Variants in SULT6B1 observed in about 807,000 individuals in gnomAD.
SULT6B1 encodes sulfotransferase family 6B member 1.
In SULT6B1, 44 loss-of-function variants were observed where a neutral mutation model predicts 37.2. The ratio of observed to expected loss-of-function variants is 1.18; its 90% CI spans 0.93 to 1.52. The LOEUF (loss-of-function observed/expected upper bound fraction) is 1.52, where lower values mean the gene tolerates loss of function less well. Among genes scored for constraint, SULT6B1 ranks in the 40% most tolerant of loss-of-function variants. The probability of loss-of-function intolerance (pLI) is 0.00; values close to 1 mark genes in which losing one functional copy is unlikely to be tolerated. For synonymous variants in SULT6B1, 140 were observed against 126.0 expected, an observed-to-expected ratio of 1.11 and a Z score of -0.74; for missense variants, 450 against 361.0, an observed-to-expected ratio of 1.25 and a Z score of -2.00.
In SULT6B1 at chr2:37,174,163, C is replaced by G. The variant is rs115634487; in HGVS notation, c.624+969G>C. On this transcript the variant is annotated intron_variant, in intron 5 of 6. Coordinates refer to ENST00000535679, the MANE Select transcript of SULT6B1 (RefSeq NM_001367551.1). Reference sequence around the variant, plus strand: ...CAGTTACCTACTTGGCTCACTCCCCCACTTCCCTCAGATCTTTGCTCAAAT... The same window carrying G: ...CAGTTACCTACTTGGCTCACTCCCCGACTTCCCTCAGATCTTTGCTCAAAT... Among the ~76,000 whole-genome samples the G allele has an allele frequency of 7.4e-3, 1,129 of 152,074 alleles. 7 individuals are homozygous for G. Among genetic ancestry groups the G allele is most frequent in the African/African-American group, 0.025 (1,043 of 41,430 alleles).
rs1005174239 is a variant in SULT6B1 at position 37,178,397 on chromosome 2, G to A, written c.529+1061C>T. On this transcript the variant is annotated intron_variant, in intron 4 of 6. Coordinates refer to ENST00000535679, the MANE Select transcript of SULT6B1 (RefSeq NM_001367551.1). ...ATTACAGGCATGCAACACCACACCT[G>A]GCTAATTTTTGTGTTTTTAGCAGAG... Among the ~76,000 whole-genome samples, 5 of 152,048 alleles carry A rather than the reference G, an allele frequency of 3.3e-5. No homozygotes were observed. In the East Asian group the frequency reaches 9.6e-4, roughly 29 times the overall value.
intron 5 of SULT6B1, among the ~76,000 whole-genome samples, chr2:37,174,826 T>C (rs1198564202): frequency 6.6e-6 from 1 of 152,166 alleles, no homozygotes; most frequent in Non-Finnish European, 1.5e-5. Context: ...ACCAAGTGTA[T>C]GTTCAATTAA....
chr2:37,191,452 G>A (rs1054866413), upstream of SULT6B1, among the ~76,000 whole-genome samples: 1 of 152,090 alleles, frequency 6.6e-6, no homozygotes, highest in Non-Finnish European at 1.5e-5. Flanking sequence ...TAGGCTCCAC[G>A]GCTGGCCCAG....
chr2:37,190,674 TAAAGTACC>T (rs1676763404), upstream of SULT6B1, among the ~76,000 whole-genome samples: 1 of 152,224 alleles, frequency 6.6e-6, no homozygotes, highest in African/African-American at 2.4e-5. Flanking sequence ...ACTAGTGTTC[TAAAGTACC>T]ACCTTAAATT....
At chr2:37,178,408 G>C (rs1676477122) in intron 4 of SULT6B1, among the ~76,000 whole-genome samples, 1 of 151,956 alleles carries the variant, frequency 6.6e-6, no homozygotes, top group African/African-American at 2.4e-5. Flanking sequence ...GCTAATTTTT[G>C]TGTTTTTAGC....
chr2:37,174,035 G>C (rs1676361258), intron 5 of SULT6B1, among the ~76,000 whole-genome samples: 1 of 151,902 alleles, frequency 6.6e-6, no homozygotes, highest in Non-Finnish European at 1.5e-5. Context: ...GTTCAGCCCT[G>C]GTTTATTCCT....
intron 5 of SULT6B1, 30 bp from the exon 6 acceptor site, chr2:37,171,620 T>G (rs769367774): frequency 1.9e-6 from 3 of 1,604,876 alleles, no homozygotes; most frequent in Non-Finnish European, 2.6e-6. Context: ...AAGATAAATT[T>G]CTTCCTATGG....
intron 6 of SULT6B1, 65 bp downstream of exon 6, chr2:37,171,369 A>T (rs1317839959): frequency 6.5e-7 from 1 of 1,542,110 alleles, no homozygotes; most frequent in African/African-American, 1.4e-5. Flanking sequence ...AGTTATTTGG[A>T]TTACCTGTTG....
chr2:37,193,582 AAAGAAGAAGAAGAAAAAGAAGAAG>A (rs1676826246), upstream of SULT6B1, among the ~76,000 whole-genome samples: 3 of 125,338 alleles, frequency 2.4e-5, no homozygotes, highest in African/African-American at 8.8e-5. Flanking sequence ...AAAAGAAGAA[AAAGAAGAAGAAGAAAAAGAAGAAG>A]AAGAAGAAGA....
At chr2:37,174,996 C>T (rs11569754) in intron 5 of SULT6B1, 136 bp downstream of exon 5, 12,138 of 454,954 alleles carry the variant, frequency 0.027, 233 homozygotes, top group Middle Eastern at 0.045. Context: ...TTTTCTTTTC[C>T]AGCACTGTAC....
intron 6 of SULT6B1, among the ~76,000 whole-genome samples, chr2:37,170,892 T>C (rs2148284260): frequency 6.6e-6 from 1 of 152,214 alleles, no homozygotes; most frequent in East Asian, 1.9e-4. Context: ...CTATCTTGTT[T>C]TCAGAAGGTG....
chr2:37,189,259 A>C (rs1002267452), upstream of SULT6B1, among the ~76,000 whole-genome samples: 1 of 152,254 alleles, frequency 6.6e-6, no homozygotes, highest in Non-Finnish European at 1.5e-5. Flanking sequence ...AATTGTTAAC[A>C]GTGGAAATGT....
chr2:37,169,491 TG>T (rs1402364310), intron 6 of SULT6B1, among the ~76,000 whole-genome samples: 1 of 152,148 alleles, frequency 6.6e-6, no homozygotes, highest in Non-Finnish European at 1.5e-5. Context: ...TTCTTGTTTT[TG>T]TTTTTGTTTT....
Position 37,193,720 on chromosome 2 carries a change from T to C in SULT6B1, c.-22+2796A>G, listed in dbSNP as rs189165257. On this transcript the variant is annotated intron_variant, in intron 1 of 7. Coordinates refer to the SULT6B1 transcript ENST00000407963. ...AAATGTCTAGGCTTTAAGGTGAAGATGGGAGAATGGACAGCAAACCTAGTA... is the reference window on the plus strand; with the variant it reads ...AAATGTCTAGGCTTTAAGGTGAAGACGGGAGAATGGACAGCAAACCTAGTA... 7.2e-5 allele frequency among the ~76,000 whole-genome samples: 11 copies of C among 151,832 alleles called. No homozygotes were observed. The East Asian group carries it at 2.1e-3, about 29-fold the overall frequency.
At chr2:37,181,493 T>A (rs1236667733) in intron 3 of SULT6B1, among the ~76,000 whole-genome samples, 1 of 152,004 alleles carries the variant, frequency 6.6e-6, no homozygotes, top group Non-Finnish European at 1.5e-5. Context: ...CAATCCTCCA[T>A]CTCAGCCTCC....
In SULT6B1 at chr2:37,187,074, G is replaced by A. The variant is rs112666254; in HGVS notation, c.312+281C>T. Reference sequence around the variant, plus strand: ...TGGCTATACAGTATAGTTGTTAAAAGCTCAAACTGGAAAACTTGGGTTCAA... The same window carrying A: ...TGGCTATACAGTATAGTTGTTAAAAACTCAAACTGGAAAACTTGGGTTCAA... On this transcript the variant is annotated intron_variant, in intron 2 of 6. Coordinates refer to ENST00000535679, the MANE Select transcript of SULT6B1 (RefSeq NM_001367551.1). Among the ~76,000 whole-genome samples, 1,279 of 152,284 alleles carry A rather than the reference G, an allele frequency of 8.4e-3. 20 individuals are homozygous for A. The highest frequency in any genetic ancestry group is 0.029 in the African/African-American group (1,201 of 41,548).
intron 4 of SULT6B1, among the ~76,000 whole-genome samples, chr2:37,175,692 C>G (rs1676409337): frequency 6.6e-6 from 1 of 152,164 alleles, no homozygotes; most frequent in Admixed American, 6.5e-5. Context: ...TTTTACTCCA[C>G]TTAACCCAGT....
intron 6 of SULT6B1, 70 bp downstream of exon 6, chr2:37,171,360 GTTAT>G (rs1676293800): frequency 6.6e-7 from 1 of 1,519,306 alleles, no homozygotes; most frequent in Admixed American, 2.1e-5. Context: ...TTAAGATGAA[GTTAT>G]TTGGATTACC....
chr2:37,170,802 C>T (rs1452617667), intron 6 of SULT6B1, among the ~76,000 whole-genome samples: 3 of 150,998 alleles, frequency 2.0e-5, no homozygotes, highest in Non-Finnish European at 4.4e-5. Flanking sequence ...AAAGGGGGCT[C>T]ACTCAGCTAA....
Sources: allele counts gnomAD v4.1 joint callset (sites outside exome capture counted in the v4.1 genomes callset), GRCh38; gene constraint gnomAD v4.1.1; transcripts MANE v1.5; gene names NCBI Gene and HGNC (gene_info 2026-07-23, HGNC 2026-07-21).